CCM2: variants seen among roughly 807,000 people sequenced by gnomAD.
CCM2 encodes CCM2 scaffold protein.
In CCM2, 25 loss-of-function variants were observed where a neutral mutation model predicts 44.9. That is an observed-to-expected ratio of 0.56 (90% confidence interval 0.41 to 0.78). The LOEUF is 0.78. CCM2 is among the 30% of genes least tolerant of loss of function. The probability of loss-of-function intolerance (pLI) is 0.00; values close to 1 mark genes in which losing one functional copy is unlikely to be tolerated. For synonymous variants in CCM2, 219 were observed against 241.1 expected, an observed-to-expected ratio of 0.91 and a Z score of 0.85; for missense variants, 481 against 580.6, an observed-to-expected ratio of 0.83 and a Z score of 1.76.
At chr7:45,029,682 G>T (rs1018877987) in intron 1 of CCM2, among the ~76,000 whole-genome samples, 2 of 152,162 alleles carry the variant, frequency 1.3e-5, no homozygotes, top group African/African-American at 4.8e-5. Context: ...TCCAGATCCT[G>T]TTCACCCAAG....
chr7:45,003,360 G>A (rs1013622056), intron 1 of CCM2, among the ~76,000 whole-genome samples: 4 of 152,106 alleles, frequency 2.6e-5, no homozygotes, highest in East Asian at 3.9e-4. Context: ...CTGAGCCACC[G>A]CACCTGACAG....
rs1051385523 is a variant in CCM2, at chr7:45,076,267, G to A, written c.*210G>A. 19 of 747,696 alleles carry A rather than the reference G, an allele frequency of 2.5e-5. No homozygotes were observed. Among genetic ancestry groups the A allele is most frequent in the Non-Finnish European group, 4.2e-5 (18 of 432,094 alleles). The allele number at this position is 747,696 out of a possible 1,614,324, so 46.3% of individuals were successfully genotyped here. A position where few individuals can be genotyped will look rare whatever the true frequency, so the allele number is the denominator to read the frequency against. On this transcript the variant is annotated 3_prime_UTR_variant, in exon 10 of 10. Transcript: ENST00000258781. ...CTCAGTGCGGGGTGGAAGGCTCTTT[G>A]CCTTGTCCACCAGGGCTCAGCCAAG...
intron 4 of CCM2, among the ~76,000 whole-genome samples, chr7:45,066,075 A>T (rs1351019394): frequency 2.0e-5 from 3 of 152,170 alleles, no homozygotes; most frequent in Non-Finnish European, 4.4e-5. Flanking sequence ...CACATTGCTA[A>T]AGGAAATGGA....
intron 4 of CCM2, among the ~76,000 whole-genome samples, chr7:45,065,615 C>CTTG (rs1371863435): frequency 6.6e-6 from 1 of 152,180 alleles, no homozygotes; most frequent in African/African-American, 2.4e-5. Flanking sequence ...TGAGTGCGCT[C>CTTG]TTGAGAGCAG....
In CCM2 at chr7:45,039,577, T is replaced by C. The variant is rs187003426; in HGVS notation, c.204+1151T>C. 3.2e-4 allele frequency among the ~76,000 whole-genome samples: 48 copies of C among 152,028 alleles called. 1 individual carries two copies. Among genetic ancestry groups the C allele is most frequent in the Non-Finnish European group, 1.0e-4 (7 of 67,980 alleles). On this transcript the variant is annotated intron_variant, in intron 2 of 9. Coordinates refer to ENST00000258781, the MANE Select transcript of CCM2 (RefSeq NM_031443.4). ...ACCTAAAGGCAGAGCTCAAGACAAA[T>C]ACACAAACATGAATAAACAGCAACA...
intron 1 of CCM2, among the ~76,000 whole-genome samples, chr7:45,014,551 T>G (rs1278857101): frequency 2.0e-5 from 3 of 151,856 alleles, no homozygotes; most frequent in Admixed American, 2.0e-4. Flanking sequence ...GGGCTCAAGC[T>G]GTCCTCCCAC....
chr7:45,068,519 G>A lies in CCM2; in HGVS notation c.549G>A (p.Ser183=), dbSNP rs145671290. 3.8e-5 allele frequency: 61 copies of A among 1,614,038 alleles called. No homozygotes were observed. Among genetic ancestry groups the A allele is most frequent in the East Asian group, 6.7e-5 (3 of 44,892 alleles). ...GAGGCCTCAGTGCAGGCTCCCTGTC[G>A]GAGAGTGCAGTTGGGCCCGTGGAGG... is the stretch of plus-strand genomic sequence containing the variant. The part of the protein sequence containing the change: ...SSRGLSAGSL[S]ESAVGPVEAC... The change falls in exon 5 of 10, where the codon TCG becomes TCA. Residue 183 remains serine (S), a synonymous_variant. Transcript: ENST00000258781.
intron 1 of CCM2, among the ~76,000 whole-genome samples, chr7:45,020,236 CTT>C (rs1465151875): frequency 6.6e-6 from 1 of 151,962 alleles, no homozygotes; most frequent in Non-Finnish European, 1.5e-5. Context: ...TTTTTTATTT[CTT>C]GTTTGTCTCC....
chr7:45,055,511 A>AC (rs1798215204), intron 2 of CCM2, among the ~76,000 whole-genome samples: 1 of 152,044 alleles, frequency 6.6e-6, no homozygotes. Context: ...AGATGGTGAA[A>AC]CCCCGTCTCT....
intron 2 of CCM2, among the ~76,000 whole-genome samples, chr7:45,054,914 C>T (rs914037546): frequency 6.6e-6 from 1 of 152,184 alleles, no homozygotes; most frequent in Non-Finnish European, 1.5e-5. Flanking sequence ...GCATACATAC[C>T]GTATCCTATT....
chr7:45,005,439 T>C (rs2128711075), intron 1 of CCM2, among the ~76,000 whole-genome samples: 1 of 152,356 alleles, frequency 6.6e-6, no homozygotes, highest in East Asian at 1.9e-4. Context: ...ATTATTGCAG[T>C]GAAGGGCTTC....
chr7:45,052,405 G>T lies in CCM2; in HGVS notation c.205-11513G>T, dbSNP rs1213903252. Reference sequence around the variant, plus strand: ...GAACCAGGCTTGGGGTTTTCTTTCTGTCAGCTGTGTATTGGGAACCCTTTC... The same window carrying T: ...GAACCAGGCTTGGGGTTTTCTTTCTTTCAGCTGTGTATTGGGAACCCTTTC... On this transcript the variant is annotated intron_variant, in intron 2 of 9. Coordinates refer to ENST00000258781, the MANE Select transcript of CCM2 (RefSeq NM_031443.4). 3.3e-5 allele frequency among the ~76,000 whole-genome samples: 5 copies of T among 152,142 alleles called. No homozygotes were observed. The East Asian group carries it at 9.6e-4, about 29-fold the overall frequency.
intron 1 of CCM2, among the ~76,000 whole-genome samples, chr7:45,028,421 G>A (rs1461271949): frequency 1.3e-5 from 2 of 152,158 alleles, no homozygotes; most frequent in Admixed American, 6.5e-5. Flanking sequence ...ACTTTGGGAG[G>A]TGGAGGTGGG....
chr7:45,066,039 C>A (rs531860857), intron 4 of CCM2, among the ~76,000 whole-genome samples: 12 of 152,260 alleles, frequency 7.9e-5, no homozygotes, highest in African/African-American at 2.9e-4. Flanking sequence ...TGCTGCATGA[C>A]AGTTTCTCAG....
intron 2 of CCM2, among the ~76,000 whole-genome samples, chr7:45,057,364 T>C (rs893988801): frequency 1.3e-5 from 2 of 152,112 alleles, no homozygotes; most frequent in African/African-American, 2.4e-5. Context: ...GGTTTCACCA[T>C]GTTGGCCAGG....
At position 45,075,887 on chromosome 7, in the gene CCM2, C is replaced by T. The variant is rs1413642987; in HGVS notation, c.1165C>T (p.Arg389Trp). 6 of 1,613,234 alleles carry T rather than the reference C, an allele frequency of 3.7e-6. No homozygotes were observed. The highest frequency in any genetic ancestry group is 1.1e-5 in the South Asian group (1 of 91,092). Residue 389 changes from arginine to tryptophan, a missense_variant, in exon 10 of 10, where the codon CGG (arginine) becomes TGG (tryptophan). By Grantham distance (101) the Arg-to-Trp change is moderately radical. Transcript: ENST00000258781. ...GIITDSFGRH[R>W]RALSTTSSST... ...CATCACTGACAGCTTTGGCAGGCAC[C>T]GGCGGGCCCTGAGCACCACATCCAG...
chr7:45,000,830 A>T (rs1795585294), intron 1 of CCM2, among the ~76,000 whole-genome samples: 1 of 152,196 alleles, frequency 6.6e-6, no homozygotes, highest in Admixed American at 6.5e-5. Context: ...AAAACCATTG[A>T]TTGATTTTAG....
chr7:45,041,337 C>A (rs1045057638), intron 2 of CCM2, among the ~76,000 whole-genome samples: 2 of 152,168 alleles, frequency 1.3e-5, no homozygotes, highest in East Asian at 1.9e-4. Flanking sequence ...TTTCCCTGTT[C>A]TTCTAGTTAA....
chr7:45,007,356 T>C (rs1490650394), intron 1 of CCM2, among the ~76,000 whole-genome samples: 1 of 152,202 alleles, frequency 6.6e-6, no homozygotes, highest in African/African-American at 2.4e-5. Flanking sequence ...AGTGGATCTT[T>C]GTTAGCGCGC....
Sources: allele counts gnomAD v4.1 joint callset (sites outside exome capture counted in the v4.1 genomes callset), GRCh38; gene constraint gnomAD v4.1.1; transcripts MANE v1.5; gene names NCBI Gene and HGNC (gene_info 2026-07-23, HGNC 2026-07-21).